HDAC9: variants seen among roughly 807,000 people sequenced by gnomAD.
HDAC9 encodes the protein MEF-2 interacting transcription repressor (MITR) protein.
Under a neutral mutation model 139.4 loss-of-function variants are expected in HDAC9, and 41 were observed. That is an observed-to-expected ratio of 0.29 (90% CI 0.23 to 0.38). The LOEUF (loss-of-function observed/expected upper bound fraction) is 0.38, where lower values mean the gene tolerates loss of function less well. Among genes scored for constraint, HDAC9 ranks in the 10% least tolerant of loss-of-function variants. The probability of loss-of-function intolerance (pLI) is 1.00; values close to 1 mark genes in which losing one functional copy is unlikely to be tolerated. For synonymous variants in HDAC9, 517 were observed against 476.2 expected (o/e 1.09, Z -1.12); for missense variants, 1,147 against 1,297.0 (o/e 0.88, Z 1.78).
chr7:18,500,723 T>C (rs945725685), intron 2 of HDAC9, among the ~76,000 whole-genome samples: 2 of 152,120 alleles, frequency 1.3e-5, no homozygotes, highest in Non-Finnish European at 2.9e-5. Context: ...ATGACGTACC[T>C]TTCACCAACT....
At chr7:18,665,283 A>T (rs1301385892) in intron 11 of HDAC9, among the ~76,000 whole-genome samples, 1 of 152,162 alleles carries the variant, frequency 6.6e-6, no homozygotes, top group African/African-American at 2.4e-5. Context: ...TTGAAAACAC[A>T]GTTCAAGGTC....
At chr7:18,960,152 CA>C (rs1783433341) in intron 24 of HDAC9, among the ~76,000 whole-genome samples, 1 of 152,004 alleles carries the variant, frequency 6.6e-6, no homozygotes, top group African/African-American at 2.4e-5. Context: ...GGGAATGTTA[CA>C]AGTAACTATG....
intron 2 of HDAC9, among the ~76,000 whole-genome samples, chr7:18,506,735 T>G (rs138222750): frequency 6.6e-6 from 1 of 152,280 alleles, no homozygotes; most frequent in African/African-American, 2.4e-5. Flanking sequence ...CTCCTAGCTT[T>G]ATTACCACAA....
chr7:18,439,907 AT>A (rs1447647587), intron 1 of HDAC9, among the ~76,000 whole-genome samples: 1 of 152,146 alleles, frequency 6.6e-6, no homozygotes, highest in Admixed American at 6.5e-5. Context: ...CAAATCTTCT[AT>A]TTTTTGAACT....
chr7:18,128,775 T>C (rs1468195703), intron 1 of HDAC9, among the ~76,000 whole-genome samples: 2 of 151,948 alleles, frequency 1.3e-5, no homozygotes, highest in Non-Finnish European at 2.9e-5. Context: ...CATGTCTCTT[T>C]ATTCCTTATG....
chr7:18,229,506 A>G (rs530190037), intron 2 of HDAC9, among the ~76,000 whole-genome samples: 14 of 152,316 alleles, frequency 9.2e-5, no homozygotes, highest in Non-Finnish European at 1.8e-4. Flanking sequence ...CTCTAGTGCT[A>G]TTACAATGCA....
intron 1 of HDAC9, among the ~76,000 whole-genome samples, chr7:18,143,567 C>T (rs1202757980): frequency 6.6e-6 from 1 of 152,046 alleles, no homozygotes; most frequent in Non-Finnish European, 1.5e-5. Context: ...GCAGGCAGAT[C>T]ACAAGGTCAG....
chr7:18,695,013 A>G (rs1207753354), intron 12 of HDAC9, among the ~76,000 whole-genome samples: 1 of 152,124 alleles, frequency 6.6e-6, no homozygotes, highest in Non-Finnish European at 1.5e-5. Flanking sequence ...AAGGAAGTCA[A>G]ATTGTATTTA....
intron 1 of HDAC9, among the ~76,000 whole-genome samples, chr7:18,401,629 C>T (rs1029600425): frequency 6.6e-6 from 1 of 152,176 alleles, no homozygotes; most frequent in Admixed American, 6.5e-5. Context: ...TGCTCAACAA[C>T]CTGCATTGGT....
chr7:18,501,988 A>G lies in HDAC9; in HGVS notation c.22+5664A>G, dbSNP rs139683995. Among the ~76,000 whole-genome samples the G allele has an allele frequency of 3.0e-3, 464 of 152,326 alleles. 3 individuals are homozygous for G. The highest frequency in any genetic ancestry group is 0.011 in the African/African-American group (437 of 41,582). On this transcript the variant is annotated intron_variant, in intron 2 of 25. Transcript: ENST00000686413. ...GCAGCACCAGGTAGTCAAAAATGGCAGCAGCATTCAGGTCCTTCATATAGC... is the reference window on the plus strand; with the variant it reads ...GCAGCACCAGGTAGTCAAAAATGGCGGCAGCATTCAGGTCCTTCATATAGC...
At chr7:18,295,300 A>G (rs1237719221) in intron 1 of HDAC9, among the ~76,000 whole-genome samples, 2 of 152,162 alleles carry the variant, frequency 1.3e-5, no homozygotes, top group African/African-American at 4.8e-5. Flanking sequence ...AGAAAATAGC[A>G]TATTCAGGAG....
At chr7:18,416,607 T>A (rs1390420092) in intron 1 of HDAC9, among the ~76,000 whole-genome samples, 2 of 152,218 alleles carry the variant, frequency 1.3e-5, no homozygotes, top group Non-Finnish European at 1.5e-5. Context: ...TACGGTTATT[T>A]ATTTCTTCTT....
At chr7:18,439,170 A>C (rs1308406952) in intron 1 of HDAC9, among the ~76,000 whole-genome samples, 3 of 152,168 alleles carry the variant, frequency 2.0e-5, no homozygotes, top group Non-Finnish European at 4.4e-5. Flanking sequence ...ATCCCAGAGA[A>C]TCAAAATGAA....
Position 18,426,058 on chromosome 7 carries a change from A to G in HDAC9, c.-41-70204A>G, listed in dbSNP as rs143440406. 2.1e-4 allele frequency among the ~76,000 whole-genome samples: 32 copies of G among 152,282 alleles called. No homozygotes were observed. In the South Asian group the frequency reaches 5.6e-3, roughly 27 times the overall value. ...TAGCACAGTGATATACGGACACACA[A>G]TTGCGGAAATGCAGATGCAGTGTTT... On this transcript the variant is annotated intron_variant, in intron 1 of 3. Coordinates refer to the HDAC9 transcript ENST00000413509.
chr7:18,547,584 A>G (rs539616456), intron 2 of HDAC9, among the ~76,000 whole-genome samples: 1 of 152,258 alleles, frequency 6.6e-6, no homozygotes, highest in East Asian at 1.9e-4. Flanking sequence ...GGCTGCATCG[A>G]TTGACTTTTC....
intron 1 of HDAC9, among the ~76,000 whole-genome samples, chr7:18,407,105 TTTC>T (rs1788081925): frequency 1.3e-5 from 2 of 152,214 alleles, no homozygotes; most frequent in South Asian, 4.1e-4. Context: ...TATTTCTTTC[TTTC>T]TAAACTTCCG....
At chr7:18,720,343 T>C (rs1738245666) in intron 12 of HDAC9, among the ~76,000 whole-genome samples, 1 of 151,786 alleles carries the variant, frequency 6.6e-6, no homozygotes, top group Non-Finnish European at 1.5e-5. Flanking sequence ...TTACATTTAA[T>C]TTTAATAATG....
chr7:18,804,823 C>T (rs546361919), intron 17 of HDAC9, among the ~76,000 whole-genome samples: 2 of 152,266 alleles, frequency 1.3e-5, no homozygotes, highest in African/African-American at 4.8e-5. Flanking sequence ...GAGACATGGT[C>T]TCACTCTGTC....
At chr7:18,113,150 T>A (rs1172045741) in intron 1 of HDAC9, among the ~76,000 whole-genome samples, 1 of 152,190 alleles carries the variant, frequency 6.6e-6, no homozygotes, top group Non-Finnish European at 1.5e-5. Context: ...ACACGTACAT[T>A]AAAATCACGT....
Sources: allele counts gnomAD v4.1 joint callset (sites outside exome capture counted in the v4.1 genomes callset), GRCh38; gene constraint gnomAD v4.1.1; transcripts MANE v1.5; gene names NCBI Gene and HGNC (gene_info 2026-07-23, HGNC 2026-07-21).